Variants in ALCAM observed in about 807,000 individuals in gnomAD.
ALCAM encodes CD166 antigen.
A neutral mutation model predicts 70.9 loss-of-function variants in ALCAM; 30 were observed. The ratio of observed to expected loss-of-function variants is 0.42; its 90% CI spans 0.32 to 0.57. The LOEUF (loss-of-function observed/expected upper bound fraction) is 0.57, where lower values mean the gene tolerates loss of function less well. Among genes scored for constraint, ALCAM ranks in the 20% least tolerant of loss-of-function variants. ALCAM has a pLI of 0.11. For missense variants in ALCAM, 591 were observed against 695.1 expected, an observed-to-expected ratio of 0.85 and a Z score of 1.68; for synonymous variants, 249 against 242.5, an observed-to-expected ratio of 1.03 and a Z score of -0.25.
intron 14 of ALCAM, among the ~76,000 whole-genome samples, chr3:105,561,850 C>T (rs1422924731): frequency 6.6e-6 from 1 of 152,148 alleles, no homozygotes; most frequent in Non-Finnish European, 1.5e-5. Context: ...TGCGAAGTTT[C>T]CATTGTCCTC....
intron 1 of ALCAM, among the ~76,000 whole-genome samples, chr3:105,468,799 A>G (rs1237028078): frequency 6.6e-6 from 1 of 151,334 alleles, no homozygotes; most frequent in Non-Finnish European, 1.5e-5. Flanking sequence ...ATTTGAACAA[A>G]TGCTGTAAGT....
At chr3:105,416,207 A>G (rs901560404) in intron 1 of ALCAM, among the ~76,000 whole-genome samples, 1 of 152,066 alleles carries the variant, frequency 6.6e-6, no homozygotes, top group Non-Finnish European at 1.5e-5. Context: ...ATTGAAGGAT[A>G]CTTAGTCATT....
At chr3:105,384,152 A>G (rs1935592446) in intron 1 of ALCAM, among the ~76,000 whole-genome samples, 1 of 151,642 alleles carries the variant, frequency 6.6e-6, no homozygotes, top group Admixed American at 6.6e-5. Context: ...GAGAACTTTA[A>G]AATTCAGTCA....
intron 1 of ALCAM, among the ~76,000 whole-genome samples, chr3:105,414,619 G>C (rs893338728): frequency 5.9e-5 from 9 of 152,092 alleles, no homozygotes; most frequent in Non-Finnish European, 1.3e-4. Context: ...AGAAAGCTCA[G>C]AGCATGTTCA....
chr3:105,438,093 C>T lies in ALCAM; in HGVS notation c.73+70612C>T, dbSNP rs535168181. ...TTGCTTTCTAAACCTTTAGTCATAT[C>T]TGTCATGTCCTTTAAAAAGAATGTG... On this transcript the variant is annotated intron_variant, in intron 1 of 15. Coordinates refer to ENST00000306107, the MANE Select transcript of ALCAM (RefSeq NM_001627.4). Among the ~76,000 whole-genome samples, 23 of 152,200 alleles carry T rather than the reference C, an allele frequency of 1.5e-4. No homozygotes were observed. In the South Asian group the frequency reaches 4.1e-3, roughly 27 times the overall value.
intron 1 of ALCAM, among the ~76,000 whole-genome samples, chr3:105,483,382 C>T (rs1291047482): frequency 6.6e-6 from 1 of 152,052 alleles, no homozygotes; most frequent in Non-Finnish European, 1.5e-5. Context: ...ATTAGGAGAA[C>T]TTTGTGATTG....
At chr3:105,434,688 T>C (rs1937012458) in intron 1 of ALCAM, among the ~76,000 whole-genome samples, 1 of 152,136 alleles carries the variant, frequency 6.6e-6, no homozygotes, top group Admixed American at 6.5e-5. Flanking sequence ...AGATAAATTA[T>C]GTTTCACTGA....
intron 1 of ALCAM, among the ~76,000 whole-genome samples, chr3:105,414,080 C>T (rs968861371): frequency 4.0e-5 from 6 of 151,892 alleles, no homozygotes; most frequent in Non-Finnish European, 7.4e-5. Context: ...GGTTAATTTA[C>T]GGTTGTCAGT....
chr3:105,466,776 T>A (rs909458606), intron 1 of ALCAM, among the ~76,000 whole-genome samples: 1 of 151,384 alleles, frequency 6.6e-6, no homozygotes, highest in Admixed American at 6.6e-5. Context: ...ATATTCGACT[T>A]TTAGCTTCTA....
In ALCAM at chr3:105,534,819, C is replaced by G. The variant is rs372772944; in HGVS notation, c.704C>G (p.Ser235Cys). 1 of 1,613,250 alleles carries G rather than the reference C, an allele frequency of 6.2e-7. No homozygotes were observed. The highest frequency in any genetic ancestry group is 1.3e-5 in the African/African-American group (1 of 74,850). Residue 235 changes from serine to cysteine, a missense_variant, in exon 6 of 16, where the codon TCT becomes TGT. Transcript: ENST00000306107. ...YGPSGQKTIH[S>C]EQAVFDIYYP... ...CCATCTGGCCAGAAAACAATTCATT[C>G]TGAACAGGCAGTATTTGATATTTAC...
intron 1 of ALCAM, among the ~76,000 whole-genome samples, chr3:105,465,659 A>G (rs1937697278): frequency 6.6e-6 from 1 of 151,412 alleles, no homozygotes; most frequent in African/African-American, 2.4e-5. Context: ...AAGGTTGATA[A>G]TCCTCAGCAA....
intron 1 of ALCAM, among the ~76,000 whole-genome samples, chr3:105,476,899 G>C (rs1259932010): frequency 6.6e-6 from 1 of 151,932 alleles, no homozygotes; most frequent in African/African-American, 2.4e-5. Flanking sequence ...AGGGAGTCAG[G>C]GGGAGGTAAT....
chr3:105,461,326 T>G (rs1937602783), intron 1 of ALCAM, among the ~76,000 whole-genome samples: 3 of 151,814 alleles, frequency 2.0e-5, no homozygotes, highest in African/African-American at 7.2e-5. Flanking sequence ...AACTAAAAAT[T>G]GAAATTTTAT....
chr3:105,369,966 C>A (rs888522246), intron 1 of ALCAM, among the ~76,000 whole-genome samples: 4 of 151,898 alleles, frequency 2.6e-5, no homozygotes, highest in African/African-American at 9.7e-5. Flanking sequence ...CCTGTGGTGA[C>A]ATTTTGTATT....
intron 1 of ALCAM, among the ~76,000 whole-genome samples, chr3:105,444,174 T>C (rs1229788951): frequency 6.6e-6 from 1 of 152,160 alleles, no homozygotes; most frequent in Admixed American, 6.5e-5. Context: ...TAAGCAAGAA[T>C]ATTGACCAAC....
intron 1 of ALCAM, among the ~76,000 whole-genome samples, chr3:105,506,325 T>C (rs1249664811): frequency 9.8e-5 from 15 of 152,300 alleles, no homozygotes; most frequent in Admixed American, 3.3e-4. Context: ...CACACACTTA[T>C]AGCATATTTT....
intron 1 of ALCAM, among the ~76,000 whole-genome samples, chr3:105,508,582 T>C (rs1366854372): frequency 6.6e-6 from 1 of 152,212 alleles, no homozygotes; most frequent in Non-Finnish European, 1.5e-5. Flanking sequence ...ATTGCTTTAA[T>C]GTATTTCTAG....
intron 1 of ALCAM, among the ~76,000 whole-genome samples, chr3:105,379,159 TTTATA>T (rs1295969966): frequency 1.3e-5 from 2 of 152,016 alleles, no homozygotes; most frequent in African/African-American, 4.8e-5. Flanking sequence ...AGGTAATGAA[TTTATA>T]TTATGTTTGT....
intron 1 of ALCAM, among the ~76,000 whole-genome samples, chr3:105,471,484 T>C (rs148688196): frequency 1.3e-4 from 20 of 151,366 alleles, no homozygotes; most frequent in Non-Finnish European, 2.2e-4. Flanking sequence ...TCCACGTAAA[T>C]ACGACTTCAT....
Sources: allele counts gnomAD v4.1 joint callset (sites outside exome capture counted in the v4.1 genomes callset), GRCh38; gene constraint gnomAD v4.1.1; transcripts MANE v1.5; gene names NCBI Gene and HGNC (gene_info 2026-07-23, HGNC 2026-07-21).